The following FBXL17 variants were observed in gnomAD, a reference collection of about 807,000 sequenced individuals.
FBXL17 encodes F-box and leucine rich repeat protein 17.
FBXL17 carries 22 observed loss-of-function variants against 66.2 expected under a neutral mutation model. The observed-to-expected ratio is 0.33, with a 90% CI of 0.24 to 0.47. FBXL17 has a LOEUF of 0.47. Ranked by LOEUF, FBXL17 falls within the 20% of genes least tolerant of loss-of-function variation. FBXL17 has a pLI of 1.00. For missense variants in FBXL17, 878 were observed against 948.2 expected, an observed-to-expected ratio of 0.93 and a Z score of 0.97; for synonymous variants, 474 against 400.5, an observed-to-expected ratio of 1.18 and a Z score of -2.19.
chr5:108,011,424 AG>A (rs1754163838), intron 7 of FBXL17, among the ~76,000 whole-genome samples: 1 of 152,190 alleles, frequency 6.6e-6, no homozygotes, highest in South Asian at 2.1e-4. Context: ...AAGAGAACAA[AG>A]TAGGTAGAAC....
At chr5:107,954,303 T>C (rs1417097166) in intron 7 of FBXL17, among the ~76,000 whole-genome samples, 1 of 152,200 alleles carries the variant, frequency 6.6e-6, no homozygotes, top group Admixed American at 6.5e-5. Context: ...ATGGGGCCAT[T>C]TAAATAAATA....
chr5:108,009,261 T>TTTTA (rs1554056569), intron 7 of FBXL17, among the ~76,000 whole-genome samples: 7 of 20,870 alleles, frequency 3.4e-4, no homozygotes, highest in South Asian at 2.5e-3. Context: ...GTTCCCTGTT[T>TTTTA]TATATATATA....
intron 6 of FBXL17, among the ~76,000 whole-genome samples, chr5:108,068,576 C>T (rs995308798): frequency 6.6e-6 from 1 of 152,080 alleles, no homozygotes; most frequent in African/African-American, 2.4e-5. Flanking sequence ...CCACCTCAGC[C>T]CCCTGAGTAG....
chr5:108,293,091 A>G (rs2150165315), intron 4 of FBXL17, among the ~76,000 whole-genome samples: 1 of 151,420 alleles, frequency 6.6e-6, no homozygotes, highest in South Asian at 2.1e-4. Context: ...CTGTCTCAAA[A>G]AAAAAACAAA....
At chr5:107,885,838 G>A (rs1440340386) in intron 7 of FBXL17, among the ~76,000 whole-genome samples, 1 of 151,990 alleles carries the variant, frequency 6.6e-6, no homozygotes, top group Admixed American at 6.6e-5. Context: ...CGAGATGTGG[G>A]GGTGGGGTTG....
chr5:108,368,044 TA>T (rs1748785404), intron 1 of FBXL17, 91 bp from the exon 2 acceptor site: 5 of 1,258,364 alleles, frequency 4.0e-6, no homozygotes, highest in Non-Finnish European at 5.4e-6. Flanking sequence ...GTTAACTTTG[TA>T]AAAAGAAAAC....
At chr5:107,921,483 A>C (rs1750317962) in intron 7 of FBXL17, among the ~76,000 whole-genome samples, 1 of 152,240 alleles carries the variant, frequency 6.6e-6, no homozygotes, top group Non-Finnish European at 1.5e-5. Flanking sequence ...GAGAAGCAGG[A>C]AACAGTATGG....
Position 108,367,822 on chromosome 5 carries a change from A to T in FBXL17, c.1116+9T>A. ...TCATATGAGTGTTACTTAGAATTGG[A>T]TTCCATACCTGCTGACGACTACTAA... On this transcript the variant is annotated intron_variant, in intron 2 of 8. Coordinates refer to ENST00000542267, the MANE Select transcript of FBXL17 (RefSeq NM_001163315.3). The T allele has an allele frequency of 6.5e-7, 1 of 1,548,016 alleles. No homozygotes were observed. The highest frequency in any genetic ancestry group is 1.2e-5 in the South Asian group (1 of 83,454).
intron 6 of FBXL17, among the ~76,000 whole-genome samples, chr5:108,067,382 C>T (rs973441097): frequency 1.3e-5 from 2 of 152,062 alleles, no homozygotes; most frequent in Admixed American, 6.6e-5. Flanking sequence ...GTTCAACAAA[C>T]ACTGAGTAAA....
intron 7 of FBXL17, among the ~76,000 whole-genome samples, chr5:108,015,403 A>G (rs549351586): frequency 6.6e-6 from 1 of 152,274 alleles, no homozygotes; most frequent in East Asian, 1.9e-4. Flanking sequence ...CCTTACAACT[A>G]TTAGAGTTAT....
At chr5:108,295,333 G>C (rs1457162390) in intron 4 of FBXL17, among the ~76,000 whole-genome samples, 2 of 151,524 alleles carry the variant, frequency 1.3e-5, no homozygotes, top group Non-Finnish European at 2.9e-5. Flanking sequence ...AAATAACATT[G>C]AGCATTTAAT....
intron 6 of FBXL17, among the ~76,000 whole-genome samples, chr5:108,088,700 C>CAAAAAAAAAAAAAA (rs57707936): frequency 1.8e-4 from 9 of 49,346 alleles, no homozygotes; most frequent in African/African-American, 6.9e-4. Flanking sequence ...GACTCTATCT[C>CAAAAAAAAAAAAAA]AAAAAAAAAA....
intron 7 of FBXL17, among the ~76,000 whole-genome samples, chr5:107,917,915 G>C (rs1287710134): frequency 6.6e-6 from 1 of 152,170 alleles, no homozygotes; most frequent in Non-Finnish European, 1.5e-5. Context: ...GAAAATTTCA[G>C]AAAGAAGTAG....
chr5:108,051,158 C>A (rs114992085), intron 6 of FBXL17, among the ~76,000 whole-genome samples: 5,149 of 152,224 alleles, frequency 0.034, 123 homozygotes, highest in Non-Finnish European at 0.051. Flanking sequence ...ACCAGAGGTA[C>A]AAAGAGGAGC....
intron 8 of FBXL17, among the ~76,000 whole-genome samples, chr5:107,871,843 C>G (rs1748467034): frequency 6.6e-6 from 1 of 151,782 alleles, no homozygotes; most frequent in South Asian, 2.1e-4. Context: ...TGGAACACAT[C>G]TGGGTATTTC....
intron 3 of FBXL17, among the ~76,000 whole-genome samples, chr5:108,360,831 T>C (rs886697025): frequency 6.6e-6 from 1 of 152,164 alleles, no homozygotes. Context: ...TCCTATCTTC[T>C]TTCTTCCACC....
At chr5:108,182,477 T>C (rs1184526507) in intron 6 of FBXL17, among the ~76,000 whole-genome samples, 1 of 152,198 alleles carries the variant, frequency 6.6e-6, no homozygotes, top group African/African-American at 2.4e-5. Context: ...TGTTTGAAAC[T>C]TCTATTACAG....
chr5:108,033,023 T>C (rs1746703808), intron 6 of FBXL17, among the ~76,000 whole-genome samples: 3 of 152,276 alleles, frequency 2.0e-5, no homozygotes, highest in Admixed American at 1.3e-4. Flanking sequence ...TAGAATAAAT[T>C]CCAAAAGGTA....
At chr5:108,243,025 A>G (rs1200583054) in intron 4 of FBXL17, among the ~76,000 whole-genome samples, 1 of 152,192 alleles carries the variant, frequency 6.6e-6, no homozygotes, top group African/African-American at 2.4e-5. Flanking sequence ...TTAGCATCCA[A>G]CGAGAATCTG....
Sources: allele counts gnomAD v4.1 joint callset (sites outside exome capture counted in the v4.1 genomes callset), GRCh38; gene constraint gnomAD v4.1.1; transcripts MANE v1.5; gene names NCBI Gene and HGNC (gene_info 2026-07-23, HGNC 2026-07-21).